Variants in KLHL1 observed in about 807,000 individuals in gnomAD.
KLHL1 encodes kelch like family member 1, also known as kelch-like protein 1.
In KLHL1, 47 loss-of-function variants were observed where a neutral mutation model predicts 77.7. The observed-to-expected ratio is 0.60, with a 90% CI of 0.48 to 0.77. The LOEUF (loss-of-function observed/expected upper bound fraction) is 0.77, where lower values mean the gene tolerates loss of function less well. Ranked by LOEUF, KLHL1 falls within the 30% of genes least tolerant of loss-of-function variation. KLHL1 has a pLI of 0.00. For synonymous variants in KLHL1, 360 were observed against 325.2 expected (o/e 1.11, Z -1.15); for missense variants, 925 against 910.8 (o/e 1.02, Z -0.20).
chr13:69,816,544 C>T (rs1054008706), intron 6 of KLHL1, among the ~76,000 whole-genome samples: 70 of 152,022 alleles, frequency 4.6e-4, no homozygotes, highest in African/African-American at 1.5e-3. Context: ...GGATTACAGG[C>T]ACCGTGCCTG....
intron 4 of KLHL1, among the ~76,000 whole-genome samples, chr13:69,934,831 C>T (rs1362508959): frequency 6.6e-6 from 1 of 151,592 alleles, no homozygotes; most frequent in African/African-American, 2.4e-5. Context: ...CTACACCTGA[C>T]TAATTCTACC....
rs115427824 is a variant in KLHL1, at chr13:69,780,042, G to A, written c.1639+16696C>T. Among the ~76,000 whole-genome samples the A allele has an allele frequency of 9.6e-3, 1,460 of 152,024 alleles. 27 individuals carry two copies. Among genetic ancestry groups the A allele is most frequent in the African/African-American group, 0.033 (1,372 of 41,486 alleles). On this transcript the variant is annotated intron_variant, in intron 7 of 10. Transcript: ENST00000377844. Reference sequence around the variant, plus strand: ...TTGTCTCTATCTATCTCCTGATCTCGGGTGATCTACCCACCTTGGCCTTCC... The same window carrying A: ...TTGTCTCTATCTATCTCCTGATCTCAGGTGATCTACCCACCTTGGCCTTCC...
chr13:70,033,355 T>C (rs1360115973), intron 1 of KLHL1, among the ~76,000 whole-genome samples: 2 of 152,118 alleles, frequency 1.3e-5, no homozygotes, highest in Non-Finnish European at 2.9e-5. Flanking sequence ...AGTGGCGCGC[T>C]CTCGGCTCAC....
intron 3 of KLHL1, among the ~76,000 whole-genome samples, chr13:69,957,402 C>A (rs1883925565): frequency 6.6e-6 from 1 of 151,646 alleles, no homozygotes; most frequent in South Asian, 2.1e-4. Flanking sequence ...ACAGATGGTT[C>A]CTGACTTATC....
chr13:70,031,031 A>G (rs1031358576), intron 1 of KLHL1, among the ~76,000 whole-genome samples: 2 of 152,214 alleles, frequency 1.3e-5, no homozygotes, highest in African/African-American at 2.4e-5. Context: ...ACACCCTCCC[A>G]AGACTAAACC....
chr13:69,983,716 T>G (rs910654115), intron 1 of KLHL1, among the ~76,000 whole-genome samples: 1 of 151,690 alleles, frequency 6.6e-6, no homozygotes, highest in African/African-American at 2.4e-5. Flanking sequence ...GGCAATGACC[T>G]GTACTCACAT....
At chr13:70,003,535 C>T (rs894999185) in intron 1 of KLHL1, among the ~76,000 whole-genome samples, 1 of 151,738 alleles carries the variant, frequency 6.6e-6, no homozygotes, top group African/African-American at 2.4e-5. Flanking sequence ...CACTGCCTCC[C>T]TTTAGAGATT....
chr13:69,714,790 T>A (rs2137885490), intron 9 of KLHL1, among the ~76,000 whole-genome samples: 1 of 152,052 alleles, frequency 6.6e-6, no homozygotes, highest in Middle Eastern at 3.4e-3. Context: ...GATGGGATTT[T>A]GCTCTGTTGT....
At chr13:69,811,403 A>G (rs1413012923) in intron 6 of KLHL1, among the ~76,000 whole-genome samples, 1 of 152,122 alleles carries the variant, frequency 6.6e-6, no homozygotes, top group African/African-American at 2.4e-5. Context: ...AGATAAAAAA[A>G]AAAAGCATTA....
chr13:69,863,482 GAA>G (rs56316232), intron 5 of KLHL1, among the ~76,000 whole-genome samples: 59 of 149,930 alleles, frequency 3.9e-4, no homozygotes, highest in African/African-American at 1.2e-3. Flanking sequence ...GAGTGTATAT[GAA>G]AAAAAAACAT....
chr13:69,810,792 A>T (rs545984973), intron 6 of KLHL1, among the ~76,000 whole-genome samples: 1 of 152,240 alleles, frequency 6.6e-6, no homozygotes, highest in African/African-American at 2.4e-5. Flanking sequence ...GACAAAGTTG[A>T]CATCACAGCC....
chr13:70,097,134 C>T (rs1303051435), intron 1 of KLHL1, among the ~76,000 whole-genome samples: 1 of 151,890 alleles, frequency 6.6e-6, no homozygotes, highest in African/African-American at 2.4e-5. Flanking sequence ...TTGAGAACTT[C>T]CCCCCACTAT....
intron 9 of KLHL1, among the ~76,000 whole-genome samples, chr13:69,710,050 A>T (rs1454711156): frequency 6.6e-6 from 1 of 151,752 alleles, no homozygotes; most frequent in Non-Finnish European, 1.5e-5. Context: ...TCATGTTGCA[A>T]ATATATACTT....
chr13:69,896,241 C>G (rs1223208498), intron 4 of KLHL1, among the ~76,000 whole-genome samples: 1 of 152,102 alleles, frequency 6.6e-6, no homozygotes, highest in African/African-American at 2.4e-5. Context: ...CCTCTTCTCT[C>G]CTTTCTTATT....
intron 7 of KLHL1, among the ~76,000 whole-genome samples, chr13:69,766,436 C>A (rs1875305863): frequency 6.6e-6 from 1 of 150,382 alleles, no homozygotes; most frequent in Admixed American, 6.7e-5. Context: ...TTTTGAACTT[C>A]CAATTTTTAA....
intron 7 of KLHL1, among the ~76,000 whole-genome samples, chr13:69,787,707 A>G (rs1432493145): frequency 6.6e-6 from 1 of 152,222 alleles, no homozygotes; most frequent in Non-Finnish European, 1.5e-5. Context: ...AGAAACTACC[A>G]TCAGAGTGAA....
At chr13:70,098,405 G>T (rs1013268815) in intron 1 of KLHL1, among the ~76,000 whole-genome samples, 3 of 151,680 alleles carry the variant, frequency 2.0e-5, no homozygotes, top group African/African-American at 7.3e-5. Flanking sequence ...AAATTTATTT[G>T]AAACACAGGT....
At chr13:69,839,186 TTAA>T (rs1190023002) in intron 5 of KLHL1, 24 bp from the exon 6 acceptor site, 3 of 1,457,824 alleles carry the variant, frequency 2.1e-6, no homozygotes, top group East Asian at 2.3e-5. Context: ...ACAATAGCTG[TTAA>T]TAATGTTTTC....
intron 1 of KLHL1, among the ~76,000 whole-genome samples, chr13:69,998,040 T>C (rs1055206694): frequency 4.6e-5 from 7 of 151,914 alleles, no homozygotes; most frequent in Admixed American, 2.6e-4. Context: ...CTGTTTTCTA[T>C]GGTGATTGCA....
Sources: gnomAD v4.1 joint callset for allele counts (sites outside exome capture counted in the v4.1 genomes callset) on GRCh38, gnomAD v4.1.1 for gene constraint, MANE v1.5 for transcripts, NCBI Gene and HGNC (gene_info 2026-07-23, HGNC 2026-07-21) for gene names.